CALN1: variants seen among roughly 807,000 people sequenced by gnomAD.
The protein encoded by CALN1 is calcium-binding protein 8.
CALN1 carries 17 observed loss-of-function variants against 30.6 expected under a neutral mutation model. That is an observed-to-expected ratio of 0.56 (90% CI 0.38 to 0.83). The LOEUF is 0.83. Among genes scored for constraint, CALN1 ranks in the 40% least tolerant of loss-of-function variants. CALN1 has a pLI of 0.00. For synonymous variants in CALN1, 156 were observed against 131.4 expected, an observed-to-expected ratio of 1.19 and a Z score of -1.28; for missense variants, 291 against 354.9, an observed-to-expected ratio of 0.82 and a Z score of 1.45.
intron 3 of CALN1, among the ~76,000 whole-genome samples, chr7:72,111,629 G>A (rs1234672442): frequency 6.6e-6 from 1 of 151,762 alleles, no homozygotes. Context: ...TTCATTTTTT[G>A]TAGAAACAGG....
chr7:71,865,339 G>A (rs79220500), intron 5 of CALN1, among the ~76,000 whole-genome samples: 2 of 152,142 alleles, frequency 1.3e-5, no homozygotes. Context: ...CTCTGGCCAC[G>A]TAAGAAGTGC....
chr7:72,106,388 C>CT (rs1369603896), intron 3 of CALN1, 94 bp from the exon 4 acceptor site: 1 of 1,448,050 alleles, frequency 6.9e-7, no homozygotes, highest in East Asian at 2.3e-5. Context: ...CTCCTAACTG[C>CT]TTTAAAAACA....
chr7:71,823,001 C>T (rs1584299557), intron 5 of CALN1, among the ~76,000 whole-genome samples: 1 of 152,310 alleles, frequency 6.6e-6, no homozygotes, highest in South Asian at 2.1e-4. Flanking sequence ...ACATTTAAAA[C>T]TATTTGACAA....
chr7:72,057,710 A>C (rs1169711860), intron 4 of CALN1, among the ~76,000 whole-genome samples: 2 of 144,024 alleles, frequency 1.4e-5, no homozygotes, highest in South Asian at 2.5e-4. Context: ...TGAGTGTAGA[A>C]GACTTATTGG....
intron 3 of CALN1, among the ~76,000 whole-genome samples, chr7:72,159,061 C>T (rs1563108038): frequency 6.6e-6 from 1 of 151,904 alleles, no homozygotes; most frequent in South Asian, 2.1e-4. Context: ...CCATGTTGGC[C>T]AGGCTGGTCT....
At chr7:72,211,012 C>T (rs1792352678) in intron 3 of CALN1, among the ~76,000 whole-genome samples, 1 of 152,034 alleles carries the variant, frequency 6.6e-6, no homozygotes, top group African/African-American at 2.4e-5. Flanking sequence ...TATGATTGTA[C>T]CACTGCACTC....
chr7:72,119,464 T>C (rs1323259491), intron 3 of CALN1, among the ~76,000 whole-genome samples: 5 of 151,666 alleles, frequency 3.3e-5, no homozygotes, highest in East Asian at 1.9e-4. Context: ...AAGATGAGAT[T>C]TGAGTGAGGA....
At chr7:72,471,611 C>T in the CALN1 span, among the ~76,000 whole-genome samples, 3 of 152,230 alleles carry the variant, frequency 2.0e-5, no homozygotes, top group East Asian at 1.9e-4. Flanking sequence ...CGGGACTGGG[C>T]AGAGCCTCAA....
intron 2 of CALN1, among the ~76,000 whole-genome samples, chr7:72,318,636 G>C (rs1044401032): frequency 6.6e-6 from 1 of 150,554 alleles, no homozygotes; most frequent in African/African-American, 2.4e-5. Flanking sequence ...GAACTCCTGG[G>C]TTCAAGCAAT....
chr7:72,114,307 G>T (rs1807809665), intron 3 of CALN1, among the ~76,000 whole-genome samples: 1 of 136,824 alleles, frequency 7.3e-6, no homozygotes, highest in African/African-American at 2.7e-5. Flanking sequence ...GGGAAGGGAA[G>T]GGAAGGCAAC....
chr7:71,824,156 C>G (rs1173041917), intron 5 of CALN1, among the ~76,000 whole-genome samples: 1 of 152,146 alleles, frequency 6.6e-6, no homozygotes, highest in Non-Finnish European at 1.5e-5. Context: ...GCCCAGGTGC[C>G]AGGCCTCTCT....
At chr7:71,922,840 TATA>T (rs1238538933) in intron 5 of CALN1, among the ~76,000 whole-genome samples, 2 of 135,746 alleles carry the variant, frequency 1.5e-5, no homozygotes, top group Non-Finnish European at 3.0e-5. Context: ...TATATAAATA[TATA>T]ATATATAATA....
chr7:72,038,577 C>T (rs1176942888), intron 4 of CALN1, among the ~76,000 whole-genome samples: 1 of 151,972 alleles, frequency 6.6e-6, no homozygotes, highest in Admixed American at 6.6e-5. Flanking sequence ...AGGCTGAAAC[C>T]CTCTGTGCTG....
intron 6 of CALN1, among the ~76,000 whole-genome samples, chr7:71,794,852 G>A (rs139774931): frequency 1.3e-5 from 2 of 151,634 alleles, no homozygotes; most frequent in African/African-American, 4.9e-5. Flanking sequence ...GGCCCCCGCT[G>A]ATGGGAGAAG....
intron 3 of CALN1, among the ~76,000 whole-genome samples, chr7:72,199,479 G>A (rs1791266779): frequency 6.6e-6 from 1 of 152,130 alleles, no homozygotes; most frequent in Non-Finnish European, 1.5e-5. Context: ...CTGAGCCGGG[G>A]GGCATTGCTC....
Position 71,946,370 on chromosome 7 carries a change from T to TC in CALN1, c.501+77286_501+77287insG, listed in dbSNP as rs1393786083. ...AGCGGGTTCCATTTCTTTCTTTCTT[T>TC]TTTTTTTTTTTTTTTGAGACAGGGT... On this transcript the variant is annotated intron_variant, in intron 5 of 6. Coordinates refer to ENST00000395275, the MANE Select transcript of CALN1 (RefSeq NM_031468.4). Among the ~76,000 whole-genome samples the TC allele has an allele frequency of 5.1e-4, 75 of 146,278 alleles. 1 individual carries two copies. The highest frequency in any genetic ancestry group is 1.7e-3 in the African/African-American group (68 of 39,782).
chr7:71,916,758 G>A (rs898467776), intron 5 of CALN1, among the ~76,000 whole-genome samples: 2 of 152,102 alleles, frequency 1.3e-5, no homozygotes, highest in Non-Finnish European at 2.9e-5. Context: ...GTTTACCTGT[G>A]TAACAAACTG....
chr7:72,284,417 G>A (rs1797937683), intron 2 of CALN1, among the ~76,000 whole-genome samples: 1 of 152,202 alleles, frequency 6.6e-6, no homozygotes, highest in African/African-American at 2.4e-5. Context: ...CAGATATTTG[G>A]TTGAACATTA....
chr7:72,267,222 A>C (rs1220954361), intron 3 of CALN1, among the ~76,000 whole-genome samples: 1 of 152,178 alleles, frequency 6.6e-6, no homozygotes, highest in Non-Finnish European at 1.5e-5. Context: ...AACCGGCAAA[A>C]ACGGGATAAA....
Sources: gnomAD v4.1 joint callset for allele counts (sites outside exome capture counted in the v4.1 genomes callset) on GRCh38, gnomAD v4.1.1 for gene constraint, MANE v1.5 for transcripts, NCBI Gene and HGNC (gene_info 2026-07-23, HGNC 2026-07-21) for gene names.